The following DOCK3 variants were observed in gnomAD, a reference collection of about 807,000 sequenced individuals.
DOCK3 encodes dedicator of cytokinesis protein 3.
DOCK3 carries 60 observed loss-of-function variants against 265.6 expected under a neutral mutation model. The observed-to-expected ratio is 0.23, with a 90% CI of 0.18 to 0.28. The LOEUF (loss-of-function observed/expected upper bound fraction) is 0.28. Ranked by LOEUF, DOCK3 falls within the 10% of genes least tolerant of loss-of-function variation. The pLI is 1.00. For synonymous variants in DOCK3, 881 were observed against 938.0 expected (o/e 0.94, Z 1.11); for missense variants, 1,981 against 2,594.3 (o/e 0.76, Z 5.14).
At chr3:50,932,506 G>A (rs943889953) in intron 4 of DOCK3, among the ~76,000 whole-genome samples, 1 of 151,908 alleles carries the variant, frequency 6.6e-6, no homozygotes. Context: ...CTCAACATTG[G>A]TGTGGACATT....
chr3:51,280,154 A>C lies in DOCK3; in HGVS notation c.2872A>C (p.Thr958Pro). Reference sequence around the variant, plus strand: ...CTCACTGCTCCGCCAGATGTGTGACACCCATTTCCAGCACCTCCTGGACAA... The same window carrying C: ...CTCACTGCTCCGCCAGATGTGTGACCCCCATTTCCAGCACCTCCTGGACAA... Reference protein sequence around the residue: ...LLSLLRQMCDTHFQHLLDNFQ... With the variant: ...LLSLLRQMCDPHFQHLLDNFQ... The change falls in exon 27 of 53, where the codon ACC (threonine) becomes CCC (proline). Residue 958 changes from threonine to proline, a missense_variant. Transcript: ENST00000266037. 1 of 1,613,792 alleles carries C rather than the reference A, an allele frequency of 6.2e-7. No individual in the cohort carries two copies. Among genetic ancestry groups the C allele is most frequent in the Non-Finnish European group, 8.5e-7 (1 of 1,179,830 alleles).
chr3:50,758,552 T>C (rs908141218), intron 1 of DOCK3, among the ~76,000 whole-genome samples: 5 of 152,290 alleles, frequency 3.3e-5, no homozygotes, highest in East Asian at 1.9e-4. Flanking sequence ...CGTCTGAAAG[T>C]GTACAGTTCT....
chr3:50,701,550 GTTTA>G (rs2036041175), intron 1 of DOCK3, among the ~76,000 whole-genome samples: 1 of 152,138 alleles, frequency 6.6e-6, no homozygotes, highest in Admixed American at 6.5e-5. Context: ...TCTTTACTCT[GTTTA>G]TTGTTTTCTT....
At position 51,374,397 on chromosome 3, in the gene DOCK3, G is replaced by A. The variant is rs2087925823; in HGVS notation, c.5294-72G>A. The A allele has an allele frequency of 7.0e-7, 1 of 1,428,378 alleles. No homozygotes were observed. Among genetic ancestry groups the A allele is most frequent in the Non-Finnish European group, 9.7e-7 (1 of 1,031,440 alleles). The allele number at this position is 1,428,378 out of a possible 1,614,324, so 88.5% of individuals were successfully genotyped here. ...ACACCTACCCTGGTTCCCTAGTCCT[G>A]AGGATGCTTGACTGCTGGACCCTCC... On this transcript the variant is annotated intron_variant, in intron 49 of 52. Coordinates refer to ENST00000266037, the MANE Select transcript of DOCK3 (RefSeq NM_004947.5). The surrounding 1 kb of genome is among the most constrained non-coding windows in gnomAD (Gnocchi z 4.8).
At chr3:50,804,532 C>T (rs2043288431) in intron 2 of DOCK3, among the ~76,000 whole-genome samples, 1 of 152,192 alleles carries the variant, frequency 6.6e-6, no homozygotes, top group African/African-American at 2.4e-5. Context: ...CGTTTAGGAG[C>T]TGGAGACCAG....
chr3:50,710,232 C>G (rs2036668263), intron 1 of DOCK3, among the ~76,000 whole-genome samples: 1 of 152,026 alleles, frequency 6.6e-6, no homozygotes, highest in African/African-American at 2.4e-5. Context: ...AACAGACAAC[C>G]CAGAGAATAG....
At chr3:51,352,095 G>C (rs1321208579) in intron 40 of DOCK3, among the ~76,000 whole-genome samples, 1 of 152,204 alleles carries the variant, frequency 6.6e-6, no homozygotes, top group Non-Finnish European at 1.5e-5. Flanking sequence ...AGTGGTGGAA[G>C]TCAGCAAAAG....
intron 12 of DOCK3, among the ~76,000 whole-genome samples, chr3:51,191,204 G>A (rs2087925510): frequency 1.3e-5 from 2 of 152,076 alleles, no homozygotes; most frequent in African/African-American, 2.4e-5. Context: ...CAAAGCTGGG[G>A]CACCTGGCTC....
chr3:51,096,863 T>C (rs2082878714), intron 9 of DOCK3, among the ~76,000 whole-genome samples: 1 of 152,230 alleles, frequency 6.6e-6, no homozygotes, highest in South Asian at 2.1e-4. Flanking sequence ...ATGCTATTTC[T>C]TTCTGTTTGT....
At chr3:51,205,442 C>G (rs1376736509) in intron 12 of DOCK3, among the ~76,000 whole-genome samples, 12 of 151,498 alleles carry the variant, frequency 7.9e-5, no homozygotes, top group Non-Finnish European at 1.5e-4. Context: ...TGACTGTGAT[C>G]TTAGCACTTT....
rs146000863 is a variant in DOCK3 at position 51,361,916 on chromosome 3, G to T, written c.5064G>T (p.Ala1688=). The T allele has an allele frequency of 2.5e-6, 4 of 1,613,090 alleles. No homozygotes were observed. The highest frequency in any genetic ancestry group is 1.1e-5 in the South Asian group (1 of 90,772). The change falls in exon 48 of 53, where the codon GCG becomes GCT. Residue 1688 remains alanine (A), a synonymous_variant. Coordinates refer to ENST00000266037, the MANE Select transcript of DOCK3 (RefSeq NM_004947.5). This position sits in a 1 kb window ranked among gnomAD's most constrained non-coding sequence, Gnocchi z 4.2. ...CATCATCCTCTCTCTCCTCACATGC[G>T]TCTAGTGAAGCAGGAAACATGGTGA... ...RHSSSSLSSH[A]SSEAGNMVML... is the part of the protein sequence containing the mutation.
chr3:50,856,474 C>T (rs1234652796), intron 3 of DOCK3, among the ~76,000 whole-genome samples: 2 of 151,752 alleles, frequency 1.3e-5, no homozygotes, highest in Non-Finnish European at 1.5e-5. Flanking sequence ...TTGTTGGCCA[C>T]ATGTATGTCT....
At chr3:51,342,620 G>A (rs1000031780) in intron 38 of DOCK3, among the ~76,000 whole-genome samples, 1 of 152,198 alleles carries the variant, frequency 6.6e-6, no homozygotes, top group Non-Finnish European at 1.5e-5. Flanking sequence ...TTCTTTCCAT[G>A]GGCACAGAGT....
At chr3:51,068,556 A>AC (rs1481727662) in intron 6 of DOCK3, among the ~76,000 whole-genome samples, 1 of 90,304 alleles carries the variant, frequency 1.1e-5, no homozygotes, top group African/African-American at 4.1e-5. Flanking sequence ...AAAAAAAAAA[A>AC]AAAAAAGAAG....
chr3:51,075,296 TAAAG>T (rs2082020105), intron 6 of DOCK3, 56 bp from the exon 7 acceptor site: 13 of 1,447,724 alleles, frequency 9.0e-6, no homozygotes, highest in Non-Finnish European at 1.2e-5. Context: ...CCCAGGCACA[TAAAG>T]AGAGATAAGT....
At chr3:51,227,258 A>G (rs1172272533) in intron 15 of DOCK3, 25 bp from the exon 16 acceptor site, 1 of 1,609,940 alleles carries the variant, frequency 6.2e-7, no homozygotes. Flanking sequence ...GGAAGATGAC[A>G]TCTTATTTTG....
chr3:50,866,204 G>A (rs1238542171), intron 3 of DOCK3, among the ~76,000 whole-genome samples: 1 of 152,020 alleles, frequency 6.6e-6, no homozygotes, highest in East Asian at 1.9e-4. Flanking sequence ...TTTTTTGTCA[G>A]GGTCAGGCGC....
chr3:51,149,440 A>C (rs1576243291), intron 10 of DOCK3, among the ~76,000 whole-genome samples: 2 of 152,162 alleles, frequency 1.3e-5, no homozygotes, highest in Admixed American at 1.3e-4. Flanking sequence ...GAATGCTTCC[A>C]ATTTTTGCCC....
intron 5 of DOCK3, among the ~76,000 whole-genome samples, chr3:50,947,792 G>A (rs754617234): frequency 2.0e-5 from 3 of 151,598 alleles, no homozygotes; most frequent in African/African-American, 4.8e-5. Context: ...TAAGATGTTA[G>A]TTCTCTCCAG....
Sources: gnomAD v4.1 joint callset for allele counts (sites outside exome capture counted in the v4.1 genomes callset) on GRCh38, gnomAD v4.1.1 for gene constraint, Gnocchi (gnomAD v3.1) non-coding constraint, MANE v1.5 for transcripts, NCBI Gene and HGNC (gene_info 2026-07-23, HGNC 2026-07-21) for gene names.